EPB41L3: variants seen among roughly 807,000 people sequenced by gnomAD.
EPB41L3 encodes erythrocyte membrane protein band 4.1 like 3.
EPB41L3 carries 57 observed loss-of-function variants against 127.1 expected under a neutral mutation model. The observed-to-expected ratio is 0.45, with a 90% CI of 0.36 to 0.56. The LOEUF (loss-of-function observed/expected upper bound fraction) is 0.56, where lower values mean the gene tolerates loss of function less well. Ranked by LOEUF, EPB41L3 falls within the 20% of genes least tolerant of loss-of-function variation. The pLI, the probability that EPB41L3 is intolerant of heterozygous loss-of-function variation, is 0.00. For missense variants in EPB41L3, 1,273 were observed against 1,372.2 expected (o/e 0.93, Z 1.14); for synonymous variants, 572 against 549.5 (o/e 1.04, Z -0.57).
intron 3 of EPB41L3, among the ~76,000 whole-genome samples, chr18:5,583,878 G>A (rs1195510863): frequency 6.6e-6 from 1 of 152,032 alleles, no homozygotes; most frequent in African/African-American, 2.4e-5. Flanking sequence ...GCATGATCTC[G>A]GCTCACCGCA....
chr18:5,582,764 T>C lies in EPB41L3; in HGVS notation c.-306+29576A>G, dbSNP rs557607564. Among the ~76,000 whole-genome samples, 35 of 152,332 alleles carry C rather than the reference T, an allele frequency of 2.3e-4. No homozygotes were observed. In the East Asian group the frequency reaches 6.6e-3, roughly 29 times the overall value. ...GACTGAGCTATAAGTAGAATCTATG[T>C]GGTCATTTTCACTGTAAATATTTTA... On this transcript the variant is annotated intron_variant, in intron 3 of 21. Transcript: ENST00000545076.
At chr18:5,395,302 G>A (rs2143627950) in intron 20 of EPB41L3, among the ~76,000 whole-genome samples, 155 bp from the exon 21 acceptor site, 1 of 152,308 alleles carries the variant, frequency 6.6e-6, no homozygotes, top group East Asian at 1.9e-4. Context: ...TAATTCCAGA[G>A]GTGAGGACGG....
At chr18:5,535,046 C>G (rs1407279001) in intron 1 of EPB41L3, among the ~76,000 whole-genome samples, 1 of 152,156 alleles carries the variant, frequency 6.6e-6, no homozygotes, top group East Asian at 1.9e-4. Flanking sequence ...CGCCTCCTGT[C>G]AGATCAGAAG....
intron 1 of EPB41L3, among the ~76,000 whole-genome samples, chr18:5,509,616 A>G (rs1417801071): frequency 6.6e-6 from 1 of 152,238 alleles, no homozygotes; most frequent in African/African-American, 2.4e-5. Context: ...CCGTGAAATC[A>G]GAGTCAAATT....
intron 11 of EPB41L3, among the ~76,000 whole-genome samples, chr18:5,421,871 A>G (rs1021941805): frequency 1.3e-5 from 2 of 152,090 alleles, no homozygotes; most frequent in Non-Finnish European, 2.9e-5. Flanking sequence ...ATTGGGTACA[A>G]TGTGCACTAC....
intron 5 of EPB41L3, 101 bp downstream of exon 5, chr18:5,443,737 C>T: frequency 1.2e-6 from 1 of 847,432 alleles, no homozygotes; most frequent in Non-Finnish European, 1.9e-6. Flanking sequence ...ATAAGAAAAG[C>T]TTGTATTCAC....
intron 1 of EPB41L3, among the ~76,000 whole-genome samples, chr18:5,501,271 G>A (rs8087446): frequency 0.21 from 28,567 of 132,870 alleles, 2,954 homozygotes; most frequent in African/African-American, 0.29. Context: ...GGGTCATTAA[G>A]TATTTAAATG....
rs1489111067 is a variant in EPB41L3, at chr18:5,392,468, A to C, written c.*1017T>G. On this transcript the variant is annotated 3_prime_UTR_variant, in exon 23 of 23. Transcript: ENST00000341928. ...TGTGATGCAGGTGATCGTGTAATGGAGAATCTCTCTTTTTGAAGGCTATTT... is the reference window on the plus strand; with the variant it reads ...TGTGATGCAGGTGATCGTGTAATGGCGAATCTCTCTTTTTGAAGGCTATTT... 1 of 152,654 alleles carries C rather than the reference A, an allele frequency of 6.6e-6. No individual in the cohort carries two copies. Among genetic ancestry groups the C allele is most frequent in the Admixed American group, 6.5e-5 (1 of 15,276 alleles). The allele number at this position is 152,654 out of a possible 1,614,324, so 9.5% of individuals were successfully genotyped here. A position where few individuals can be genotyped will look rare whatever the true frequency, so the allele number is the denominator to read the frequency against.
intron 1 of EPB41L3, among the ~76,000 whole-genome samples, chr18:5,505,295 A>G (rs1230765005): frequency 6.6e-6 from 1 of 152,162 alleles, no homozygotes; most frequent in Non-Finnish European, 1.5e-5. Context: ...CAAAGAAAAT[A>G]CAAACCAACA....
chr18:5,580,411 T>C (rs1264374679), intron 3 of EPB41L3, among the ~76,000 whole-genome samples: 1 of 152,148 alleles, frequency 6.6e-6, no homozygotes, highest in Non-Finnish European at 1.5e-5. Context: ...GACACATATA[T>C]AGATACATAT....
At chr18:5,598,926 C>G (rs1342912713) in intron 3 of EPB41L3, among the ~76,000 whole-genome samples, 1 of 152,182 alleles carries the variant, frequency 6.6e-6, no homozygotes, top group Non-Finnish European at 1.5e-5. Flanking sequence ...CATCAACTCC[C>G]TTGGAATCTA....
intron 3 of EPB41L3, among the ~76,000 whole-genome samples, chr18:5,461,834 G>A (rs2084052642): frequency 6.6e-6 from 1 of 152,102 alleles, no homozygotes; most frequent in South Asian, 2.1e-4. Flanking sequence ...CCCACAACTG[G>A]AAGTCTGTGA....
rs560453995 is a variant in EPB41L3, at chr18:5,617,889, T to C, written c.-467-3466A>G. On this transcript the variant is annotated intron_variant, in intron 1 of 21. Transcript: ENST00000545076. ...GGGCACTAGAAGACAGATGAGGGAT[T>C]CAAGAAGGAAGTTGCAAAGCACTAT... Among the ~76,000 whole-genome samples the C allele has an allele frequency of 3.7e-4, 57 of 152,278 alleles. 1 individual carries two copies. In the South Asian group the frequency reaches 0.012, roughly 31 times the overall value.
Position 5,397,802 on chromosome 18 carries a change from A to T in EPB41L3, c.2472+219T>A, listed in dbSNP as rs1489273608. ...ATATTTAATTCTATTAAAATTTCTCAATATGATCGCCTTTCGAATAGTGAA... is the reference window on the plus strand; with the variant it reads ...ATATTTAATTCTATTAAAATTTCTCTATATGATCGCCTTTCGAATAGTGAA... On this transcript the variant is annotated intron_variant, in intron 17 of 22. Coordinates refer to ENST00000341928, the MANE Select transcript of EPB41L3 (RefSeq NM_012307.5). This position sits in a 1 kb window ranked among gnomAD's most constrained non-coding sequence, Gnocchi z 4.1. Among the ~76,000 whole-genome samples the T allele has an allele frequency of 6.6e-6, 1 of 152,244 alleles. No individual in the cohort carries two copies. Among genetic ancestry groups the T allele is most frequent in the Non-Finnish European group, 1.5e-5 (1 of 68,048 alleles).
At chr18:5,460,668 GC>G (rs2083841034) in intron 3 of EPB41L3, among the ~76,000 whole-genome samples, 5 of 152,188 alleles carry the variant, frequency 3.3e-5, no homozygotes, top group African/African-American at 2.4e-5. Context: ...CCTTGAATAA[GC>G]TATCAGAGAG....
chr18:5,395,193 A>C, intron 20 of EPB41L3, 46 bp from the exon 21 acceptor site: 4 of 1,536,684 alleles, frequency 2.6e-6, no homozygotes, highest in Non-Finnish European at 3.6e-6. Context: ...CACTGGGAGA[A>C]ACCATCATGG....
chr18:5,424,038 C>A (rs1158912101), intron 10 of EPB41L3, among the ~76,000 whole-genome samples: 1 of 151,916 alleles, frequency 6.6e-6, no homozygotes. Context: ...ACTAAAGATA[C>A]TAAAGAAGGG....
At chr18:5,584,594 T>G (rs906217880) in intron 3 of EPB41L3, among the ~76,000 whole-genome samples, 1 of 152,110 alleles carries the variant, frequency 6.6e-6, no homozygotes. Context: ...ATCCCCAAAT[T>G]CTTTGTAGAA....
chr18:5,587,565 T>A (rs2094451779), intron 3 of EPB41L3, among the ~76,000 whole-genome samples: 1 of 152,154 alleles, frequency 6.6e-6, no homozygotes, highest in African/African-American at 2.4e-5. Context: ...CCCCCAAGGA[T>A]AATGGGGCAC....
Sources: allele counts gnomAD v4.1 joint callset (sites outside exome capture counted in the v4.1 genomes callset), GRCh38; gene constraint gnomAD v4.1.1; non-coding constraint Gnocchi (gnomAD v3.1); transcripts MANE v1.5; gene names NCBI Gene and HGNC (gene_info 2026-07-23, HGNC 2026-07-21).